EGFR: variants seen among roughly 807,000 people sequenced by gnomAD.
EGFR encodes the protein avian erythroblastic leukemia viral (v-erb-b) oncogene homolog.
A neutral mutation model predicts 143.0 loss-of-function variants in EGFR; 58 were observed. That is an observed-to-expected ratio of 0.41 (90% confidence interval 0.33 to 0.50). The LOEUF (loss-of-function observed/expected upper bound fraction) is 0.50. EGFR is among the 20% of genes least tolerant of loss of function. EGFR has a pLI of 0.39. For synonymous variants in EGFR, 613 were observed against 594.4 expected (o/e 1.03, Z -0.45); for missense variants, 1,307 against 1,579.0 (o/e 0.83, Z 2.92).
rs145751765 is a variant in EGFR, at chr7:55,155,314, C to T, written c.890-516C>T. Among the ~76,000 whole-genome samples the T allele has an allele frequency of 1.0e-3, 158 of 152,280 alleles. 1 individual carries two copies. The highest frequency in any genetic ancestry group is 3.6e-3 in the African/African-American group (149 of 41,544). ...AAAATTAGCCGGGCGTGGTGGCGCA[C>T]GCCTGTAATCACAGCCGCTCAGGAG... On this transcript the variant is annotated intron_variant, in intron 7 of 27. Transcript: ENST00000275493.
In EGFR at chr7:55,205,707, C is replaced by T. The variant is rs2128975849; in HGVS notation, c.*90C>T. 3.1e-6 allele frequency: 5 copies of T among 1,602,712 alleles called. No homozygotes were observed. Among genetic ancestry groups the T allele is most frequent in the Non-Finnish European group, 4.3e-6 (5 of 1,172,470 alleles). ...AGGTCCTCCATCCCAACAGCCATGC[C>T]CGCATTAGCTCTTAGACCCACAGAC... On this transcript the variant is annotated 3_prime_UTR_variant, in exon 28 of 28. Transcript: ENST00000275493.
chr7:55,161,872 G>C (rs1276414564), intron 13 of EGFR, among the ~76,000 whole-genome samples: 1 of 152,162 alleles, frequency 6.6e-6, no homozygotes, highest in African/African-American at 2.4e-5. Context: ...ATAATTTATA[G>C]AATCTCTTTT....
At chr7:55,146,519 G>T (rs2128929212) in intron 3 of EGFR, 87 bp from the exon 4 acceptor site, 1 of 1,594,422 alleles carries the variant, frequency 6.3e-7, no homozygotes, top group South Asian at 1.1e-5. Flanking sequence ...CTCTTTAGCA[G>T]AACATAAATG....
At chr7:55,191,999 C>T (rs2128964993) in intron 21 of EGFR, 125 bp downstream of exon 21, 4 of 1,438,060 alleles carry the variant, frequency 2.8e-6, no homozygotes, top group Non-Finnish European at 3.8e-6. Flanking sequence ...GGTGAGCTCG[C>T]AGCAGCTGCT....
intron 11 of EGFR, among the ~76,000 whole-genome samples, chr7:55,159,300 C>T (rs952183233): frequency 6.6e-6 from 1 of 152,118 alleles, no homozygotes; most frequent in East Asian, 1.9e-4. Context: ...GTGGTTCTCA[C>T]ACCCATCGTG....
chr7:55,139,237 G>A (rs552283812), intron 1 of EGFR, among the ~76,000 whole-genome samples: 44 of 152,298 alleles, frequency 2.9e-4, no homozygotes, highest in African/African-American at 9.6e-4. Context: ...GTCACCCAAT[G>A]AGGAAGTGGC....
chr7:55,095,445 G>A (rs1791402692), intron 1 of EGFR, among the ~76,000 whole-genome samples: 1 of 152,182 alleles, frequency 6.6e-6, no homozygotes, highest in Admixed American at 6.5e-5. Context: ...TGCTTCAGTG[G>A]GTCCTGAATT....
At chr7:55,087,434 G>A (rs896639538) in intron 1 of EGFR, among the ~76,000 whole-genome samples, 1 of 152,194 alleles carries the variant, frequency 6.6e-6, no homozygotes, top group Non-Finnish European at 1.5e-5. Flanking sequence ...TAGAATATTA[G>A]AGAGCAGGTC....
chr7:55,060,362 T>C (rs1215727582), intron 1 of EGFR, among the ~76,000 whole-genome samples: 1 of 152,246 alleles, frequency 6.6e-6, no homozygotes, highest in Non-Finnish European at 1.5e-5. Flanking sequence ...ATTATTTCCT[T>C]AGTATCTAGT....
chr7:55,119,718 G>T (rs1793083825), intron 1 of EGFR, among the ~76,000 whole-genome samples: 1 of 152,170 alleles, frequency 6.6e-6, no homozygotes, highest in South Asian at 2.1e-4. Flanking sequence ...GTCTTCCTGG[G>T]CTGCGTGAAC....
At chr7:55,199,347 T>A (rs1213244624) in intron 23 of EGFR, among the ~76,000 whole-genome samples, 1 of 152,252 alleles carries the variant, frequency 6.6e-6, no homozygotes, top group Non-Finnish European at 1.5e-5. Context: ...TAAGAGTGTG[T>A]AATTTGATTG....
intron 1 of EGFR, among the ~76,000 whole-genome samples, chr7:55,113,399 C>T (rs1562725276): frequency 6.6e-6 from 1 of 152,046 alleles, no homozygotes; most frequent in African/African-American, 2.4e-5. Flanking sequence ...AAATTTCCTT[C>T]TTTTTTTTCC....
chr7:55,060,439 T>C (rs546183056), intron 1 of EGFR, among the ~76,000 whole-genome samples: 1 of 152,342 alleles, frequency 6.6e-6, no homozygotes, highest in African/African-American at 2.4e-5. Context: ...GCTGATTTTC[T>C]CAAAGTCTCA....
In EGFR at chr7:55,156,804, T is replaced by G; in HGVS notation, c.1179T>G (p.Asp393Glu). Residue 393 changes from aspartate to glutamate, a missense_variant, in exon 10 of 28, where the codon GAT (aspartate) becomes GAG (glutamate). This residue lies in a region of EGFR where 250 missense variants were observed against 295.1 expected (regional missense o/e 0.85). Transcript: ENST00000275493. ...CTCCTCTGGATCCACAGGAACTGGATATTCTGAAAACCGTAAAGGAAATCA... is the reference window on the plus strand; with the variant it reads ...CTCCTCTGGATCCACAGGAACTGGAGATTCTGAAAACCGTAAAGGAAATCA... ...HTPPLDPQEL[D>E]ILKTVKEITG... 1 of 1,614,256 alleles carries G rather than the reference T, an allele frequency of 6.2e-7. No individual in the cohort carries two copies. The highest frequency in any genetic ancestry group is 8.5e-7 in the Non-Finnish European group (1 of 1,180,048).
At chr7:55,156,972 T>C in intron 10 of EGFR, 140 bp downstream of exon 10, 1 of 1,524,986 alleles carries the variant, frequency 6.6e-7, no homozygotes, top group Non-Finnish European at 8.8e-7. Context: ...TTTGATATTT[T>C]TCAAAAGTGC....
chr7:55,046,168 A>G (rs1002229715), intron 1 of EGFR, among the ~76,000 whole-genome samples: 2 of 152,196 alleles, frequency 1.3e-5, no homozygotes, highest in African/African-American at 4.8e-5. Flanking sequence ...GGAGGTTCTC[A>G]GAAACATGTC....
chr7:55,132,225 T>C (rs1280307519), intron 1 of EGFR, among the ~76,000 whole-genome samples: 1 of 152,188 alleles, frequency 6.6e-6, no homozygotes, highest in Non-Finnish European at 1.5e-5. Context: ...GGGGTGGATA[T>C]GCACCACCCC....
rs1166858113 is a variant in EGFR, at chr7:55,160,161, G to A, written c.1321G>A (p.Val441Ile). ...KQHGQFSLAV[V>I]SLNITSLGLR... Reference sequence around the variant, plus strand: ...TAGTGGTCAGTTTTCTCTTGCAGTCGTCAGCCTGAACATAACATCCTTGGG... The same window carrying A: ...TAGTGGTCAGTTTTCTCTTGCAGTCATCAGCCTGAACATAACATCCTTGGG... The change falls in exon 12 of 28, where the codon GTC becomes ATC. Residue 441 changes from valine (V) to isoleucine (I), a missense_variant. Coordinates refer to ENST00000275493, the MANE Select transcript of EGFR (RefSeq NM_005228.5). The A allele has an allele frequency of 3.7e-6, 6 of 1,614,100 alleles. No individual in the cohort carries two copies. The highest frequency in any genetic ancestry group is 1.1e-5 in the South Asian group (1 of 91,080).
chr7:55,064,129 G>A (rs1789360130), intron 1 of EGFR, among the ~76,000 whole-genome samples: 1 of 151,988 alleles, frequency 6.6e-6, no homozygotes, highest in South Asian at 2.1e-4. Context: ...CTTAAACTAT[G>A]ATCTTGATAC....
Sources: gnomAD v4.1 joint callset for allele counts (sites outside exome capture counted in the v4.1 genomes callset) on GRCh38, gnomAD v4.1.1 for gene constraint, gnomAD v4.1.1 regional missense constraint, MANE v1.5 for transcripts, NCBI Gene and HGNC (gene_info 2026-07-23, HGNC 2026-07-21) for gene names.